REM2: variants seen among roughly 807,000 people sequenced by gnomAD.
REM2 encodes RRAD and GEM like GTPase 2, also known as GTP-binding protein REM 2.
A neutral mutation model predicts 24.4 loss-of-function variants in REM2; 24 were observed. That is an observed-to-expected ratio of 0.98 (90% CI 0.71 to 1.38). The LOEUF is 1.38. Ranked by LOEUF, REM2 falls within the 40% of genes most tolerant of loss-of-function variation. The probability of loss-of-function intolerance (pLI) is 0.00; values close to 1 mark genes in which losing one functional copy is unlikely to be tolerated. For synonymous variants in REM2, 187 were observed against 198.0 expected (o/e 0.94, Z 0.47); for missense variants, 429 against 467.8 (o/e 0.92, Z 0.77).
rs754153881 is a variant in REM2 at position 22,886,218 on chromosome 14, G to A, written c.714G>A (p.Glu238=). 13 of 1,612,086 alleles carry A rather than the reference G, an allele frequency of 8.1e-6. No individual in the cohort carries two copies. In the African/African-American group the frequency reaches 9.3e-5, roughly 12 times the overall value. ...AGAGCGACTTGGCCCGCTCCCGGGAGGTATCACTGGAGGGTGTGTATCCTG... is the reference window on the plus strand; with the variant it reads ...AGAGCGACTTGGCCCGCTCCCGGGAAGTATCACTGGAGGGTGTGTATCCTG... ...GNKSDLARSR[E]VSLEEGRHLA... Residue 238 remains glutamate, a synonymous_variant, in exon 4 of 5, where the codon GAG becomes GAA. Transcript: ENST00000267396. This position sits in a 1 kb window ranked among gnomAD's most constrained non-coding sequence, Gnocchi z 5.9.
chr14:22,886,529 C>CCGCA lies in REM2; in HGVS notation c.728-81_728-78dup, dbSNP rs2040130035. 2.4e-6 allele frequency: 3 copies of CCGCA among 1,264,186 alleles called. No individual in the cohort carries two copies. The highest frequency in any genetic ancestry group is 3.2e-6 in the Non-Finnish European group (3 of 940,630). The allele number at this position is 1,264,186 out of a possible 1,614,324, so 78.3% of individuals were successfully genotyped here. A position where few individuals can be genotyped will look rare whatever the true frequency, so the allele number is the denominator to read the frequency against. On this transcript the variant is annotated intron_variant, in intron 4 of 4. Transcript: ENST00000267396. This position sits in a 1 kb window ranked among gnomAD's most constrained non-coding sequence, Gnocchi z 5.9. ...ATTCACTAGTACCAATCCCTTGCCA[C>CCGCA]CGCACGCCCAGGCCCTCCCTAGACC... is the stretch of plus-strand genomic sequence containing the variant.
Position 22,884,935 on chromosome 14 carries a change from A to C in REM2, c.365A>C (p.Glu122Ala). The C allele has an allele frequency of 6.2e-7, 1 of 1,602,254 alleles. No individual in the cohort carries two copies. Among genetic ancestry groups the C allele is most frequent in the Non-Finnish European group, 8.5e-7 (1 of 1,171,728 alleles). ...DGIFKVMLVGESGVGKSTLAG... is the reference protein window; with the variant it reads ...DGIFKVMLVGASGVGKSTLAG... ...ATCTTCAAGGTCATGCTAGTGGGGG[A>C]GAGCGGCGTGGGCAAGAGCACCCTA... Residue 122 changes from glutamate to alanine, a missense_variant, in exon 2 of 5, where the codon GAG becomes GCG. By Grantham distance (107) the Glu-to-Ala change is moderately radical (BLOSUM62 -1). Coordinates refer to ENST00000267396, the MANE Select transcript of REM2 (RefSeq NM_173527.3).
chr14:22,883,374 A>AG lies in REM2; in HGVS notation c.90dup (p.Thr31AspfsTer55). 1 of 1,554,358 alleles carries AG rather than the reference A, an allele frequency of 6.4e-7. No individual in the cohort carries two copies. Among genetic ancestry groups the AG allele is most frequent in the Non-Finnish European group, 8.7e-7 (1 of 1,148,748 alleles). Reference sequence around the variant, plus strand: ...CTGGCAGCCGCCGGGCCTCCCCTCCAGGGACGCCCACACCAGGTGAGGGCT... The same window carrying AG: ...CTGGCAGCCGCCGGGCCTCCCCTCCAGGGGACGCCCACACCAGGTGAGGGCT... On this transcript the variant is annotated frameshift_variant, in exon 1 of 5. Transcript: ENST00000267396. LOFTEE classifies it high-confidence loss of function.
Position 22,886,515 on chromosome 14 carries a change from C to A in REM2, c.728-99C>A. 8.9e-7 allele frequency: 1 copy of A among 1,118,166 alleles called. No individual in the cohort carries two copies. The highest frequency in any genetic ancestry group is 1.2e-6 in the Non-Finnish European group (1 of 808,176). 69.3% of individuals were successfully genotyped at this position (1,118,166 alleles called of 1,614,324 possible). On this transcript the variant is annotated intron_variant, in intron 4 of 4. Coordinates refer to ENST00000267396, the MANE Select transcript of REM2 (RefSeq NM_173527.3). This position sits in a 1 kb window ranked among gnomAD's most constrained non-coding sequence, Gnocchi z 5.9. ...CTCTCGGTTGCAAGATTCACTAGTA[C>A]CAATCCCTTGCCACCGCACGCCCAG...
chr14:22,886,126 G>C lies in REM2; in HGVS notation c.622G>C (p.Glu208Gln), dbSNP rs780867772. ...CCGACGGAGTTTCTCCAAAGTTCCA[G>C]AGACCCTACTTCGGCTCCGGGCTGG... The part of the protein sequence containing the change: ...TDRRSFSKVP[E>Q]TLLRLRAGRP... Residue 208 changes from glutamate (E) to glutamine (Q), a missense_variant, in exon 4 of 5, where the codon GAG (glutamate) becomes CAG (glutamine). By Grantham distance (29) the Glu-to-Gln change is conservative. Transcript: ENST00000267396. The surrounding 1 kb of genome is among the most constrained non-coding windows in gnomAD (Gnocchi z 5.9). 1.2e-6 allele frequency: 2 copies of C among 1,614,006 alleles called. No homozygotes were observed. Among genetic ancestry groups the C allele is most frequent in the Non-Finnish European group, 1.7e-6 (2 of 1,179,902 alleles).
At chr14:22,884,590 A>T in intron 1 of REM2, 84 bp from the exon 2 acceptor site, 1 of 1,479,690 alleles carries the variant, frequency 6.8e-7, no homozygotes, top group South Asian at 1.4e-5. Flanking sequence ...CTGATACTGG[A>T]ACAGCCTGGA....
At chr14:22,885,201 C>G in intron 2 of REM2, 65 bp from the exon 3 acceptor site, 2 of 1,471,492 alleles carry the variant, frequency 1.4e-6, no homozygotes, top group East Asian at 2.3e-5. Flanking sequence ...TCCCTGGTTA[C>G]CAGGTCTCAC....
intron 1 of REM2, chr14:22,884,367 G>A (rs1255790555): frequency 2.9e-5 from 29 of 985,346 alleles, no homozygotes; most frequent in African/African-American, 3.5e-5. Flanking sequence ...GTTTGCCTGT[G>A]TATCAGTGTA....
In REM2 at chr14:22,884,783, C is replaced by G; in HGVS notation, c.213C>G (p.Val71=). 1 of 1,614,060 alleles carries G rather than the reference C, an allele frequency of 6.2e-7. No individual in the cohort carries two copies. Among genetic ancestry groups the G allele is most frequent in the South Asian group, 1.1e-5 (1 of 91,088 alleles). Residue 71 remains valine (V), a synonymous_variant, in exon 2 of 5, where the codon GTC becomes GTG. Coordinates refer to ENST00000267396, the MANE Select transcript of REM2 (RefSeq NM_173527.3). The stretch of plus-strand genomic sequence containing the variant: ...CCAGACGAAGAGGCAGTATGCCTGT[C>G]CCCTACAAGCACCAGCTCCGGCGGG... The part of the protein sequence containing the change: ...GAPRRRGSMP[V]PYKHQLRRAQ...
In REM2 at chr14:22,884,718, G is replaced by A; in HGVS notation, c.148G>A (p.Glu50Lys). Residue 50 changes from glutamate to lysine, a missense_variant, in exon 2 of 5, where the codon GAG becomes AAG. Glu to Lys is a moderately conservative substitution (Grantham distance 56). Transcript: ENST00000267396. ...LLKKSEKLLA[E>K]LDRSGLPSAP... ...AAAGAAGTCAGAGAAACTGTTGGCA[G>A]AGTTGGACCGGAGCGGGTTACCCTC... 1 of 1,612,708 alleles carries A rather than the reference G, an allele frequency of 6.2e-7. No individual in the cohort carries two copies. The highest frequency in any genetic ancestry group is 8.5e-7 in the Non-Finnish European group (1 of 1,179,414).
At chr14:22,884,017 C>T in intron 1 of REM2, 1 of 985,210 alleles carries the variant, frequency 1.0e-6, no homozygotes, top group African/African-American at 1.7e-5. Flanking sequence ...CACATCCAAC[C>T]ACGCAATGAG....
chr14:22,883,899 T>TCACA (rs35170959), intron 1 of REM2, among the ~76,000 whole-genome samples: 3,930 of 147,496 alleles, frequency 0.027, 122 homozygotes, highest in African/African-American at 0.076. Flanking sequence ...TCCCTTTCGC[T>TCACA]CACACACACA....
At position 22,887,520 on chromosome 14, in the gene REM2, T is replaced by G. The variant is rs188178457; in HGVS notation, c.*611T>G. Reference sequence around the variant, plus strand: ...GAGATGGATTCTCTTGACTTACCAGTCCACCACGGCACTTCCCCTTTAAGG... The same window carrying G: ...GAGATGGATTCTCTTGACTTACCAGGCCACCACGGCACTTCCCCTTTAAGG... On this transcript the variant is annotated 3_prime_UTR_variant, in exon 5 of 5. Coordinates refer to ENST00000267396, the MANE Select transcript of REM2 (RefSeq NM_173527.3). 1.3e-5 allele frequency: 2 copies of G among 152,308 alleles called. No individual in the cohort carries two copies. Among genetic ancestry groups the G allele is most frequent in the African/African-American group, 2.4e-5 (1 of 41,556 alleles). 9.4% of individuals were successfully genotyped at this position (152,308 alleles called of 1,614,324 possible).
intron 2 of REM2, 47 bp downstream of exon 2, chr14:22,885,062 G>C (rs747232852): frequency 3.3e-6 from 5 of 1,508,976 alleles, no homozygotes; most frequent in Non-Finnish European, 4.4e-6. Context: ...TGGGGCCCTG[G>C]TCAGGGAAGG....
At position 22,886,496 on chromosome 14, in the gene REM2, G is replaced by C; in HGVS notation, c.728-118G>C. The C allele has an allele frequency of 1.0e-6, 1 of 967,210 alleles. No homozygotes were observed. Among genetic ancestry groups the C allele is most frequent in the Non-Finnish European group, 1.5e-6 (1 of 671,298 alleles). 59.9% of individuals were successfully genotyped at this position (967,210 alleles called of 1,614,324 possible). ...ATATGAGCTCAGCCATGTTCTCTCG[G>C]TTGCAAGATTCACTAGTACCAATCC... On this transcript the variant is annotated intron_variant, in intron 4 of 4. Coordinates refer to ENST00000267396, the MANE Select transcript of REM2 (RefSeq NM_173527.3). This position sits in a 1 kb window ranked among gnomAD's most constrained non-coding sequence, Gnocchi z 5.9.
intron 1 of REM2, among the ~76,000 whole-genome samples, chr14:22,883,765 T>A (rs978889625): frequency 2.0e-5 from 3 of 152,146 alleles, no homozygotes; most frequent in African/African-American, 7.2e-5. Flanking sequence ...AGGGTTCTTC[T>A]GGCTGCTGGA....
Position 22,886,978 on chromosome 14 carries a change from C to CG in REM2, c.*69_*70insG. 7.8e-7 allele frequency: 1 copy of CG among 1,278,154 alleles called. No homozygotes were observed. The highest frequency in any genetic ancestry group is 1.0e-6 in the Non-Finnish European group (1 of 971,868). 79.2% of individuals were successfully genotyped at this position (1,278,154 alleles called of 1,614,324 possible). ...CCTCCGCTCGCCCCCCCTCGCCCCGCCCCGCCCCCGTCCGGCTTCCTTGGT... is the reference window on the plus strand; with the variant it reads ...CCTCCGCTCGCCCCCCCTCGCCCCGCGCCCGCCCCCGTCCGGCTTCCTTGGT... On this transcript the variant is annotated 3_prime_UTR_variant, in exon 5 of 5. Coordinates refer to ENST00000267396, the MANE Select transcript of REM2 (RefSeq NM_173527.3). This position sits in a 1 kb window ranked among gnomAD's most constrained non-coding sequence, Gnocchi z 5.9.
rs1487898657 is a variant in REM2, at chr14:22,883,323, C to A, written c.36C>A (p.Asp12Glu). 6.4e-7 allele frequency: 1 copy of A among 1,561,544 alleles called. No homozygotes were observed. Among genetic ancestry groups the A allele is most frequent in the South Asian group, 1.2e-5 (1 of 84,594 alleles). ...HTDLDTDMDM[D>E]TETTALCPSG... is the part of the protein sequence containing the mutation. ...ACCTGGACACAGACATGGACATGGA[C>A]ACAGAAACCACAGCACTCTGCCCCT... Residue 12 changes from aspartate to glutamate, a missense_variant, in exon 1 of 5, where the codon GAC (aspartate) becomes GAA (glutamate). Asp to Glu is a conservative substitution (Grantham distance 45, BLOSUM62 2). Coordinates refer to ENST00000267396, the MANE Select transcript of REM2 (RefSeq NM_173527.3).
In REM2 at chr14:22,886,016, G is replaced by C. The variant is rs768278848; in HGVS notation, c.520-8G>C. The C allele has an allele frequency of 1.3e-5, 21 of 1,612,296 alleles. No individual in the cohort carries two copies. Among genetic ancestry groups the C allele is most frequent in the Non-Finnish European group, 1.8e-5 (21 of 1,178,416 alleles). ...CTCCAGCCCTAACGTTCCTCTGCCT[G>C]TCTGCAGGGGGATGCAGGAGGGTGG... On this transcript the variant is annotated splice_region_variant and splice_polypyrimidine_tract_variant and intron_variant, in intron 3 of 4. Transcript: ENST00000267396. This position sits in a 1 kb window ranked among gnomAD's most constrained non-coding sequence, Gnocchi z 5.9.
Sources: gnomAD v4.1 joint callset for allele counts (sites outside exome capture counted in the v4.1 genomes callset) on GRCh38, gnomAD v4.1.1 for gene constraint, Gnocchi (gnomAD v3.1) non-coding constraint, MANE v1.5 for transcripts, NCBI Gene and HGNC (gene_info 2026-07-23, HGNC 2026-07-21) for gene names.